Variants in ANTXR1 observed in about 807,000 individuals in gnomAD.
ANTXR1 encodes the protein ANTXR cell adhesion molecule 1.
ANTXR1 carries 19 observed loss-of-function variants against 78.1 expected under a neutral mutation model. That is an observed-to-expected ratio of 0.24 (90% CI 0.17 to 0.36). ANTXR1 has a LOEUF of 0.36. Ranked by LOEUF, ANTXR1 falls within the 10% of genes least tolerant of loss-of-function variation. The probability of loss-of-function intolerance (pLI) is 1.00; values close to 1 mark genes in which losing one functional copy is unlikely to be tolerated. For missense variants in ANTXR1, 518 were observed against 718.6 expected (o/e 0.72, Z 3.19); for synonymous variants, 273 against 260.5 (o/e 1.05, Z -0.46).
At chr2:69,088,528 G>A (rs1056199048) in intron 8 of ANTXR1, among the ~76,000 whole-genome samples, 4 of 152,148 alleles carry the variant, frequency 2.6e-5, no homozygotes, top group African/African-American at 4.8e-5. Flanking sequence ...CTGGAGACTT[G>A]TGCCTGAGGA....
chr2:69,106,484 G>A (rs1433759047), intron 10 of ANTXR1, among the ~76,000 whole-genome samples: 2 of 152,218 alleles, frequency 1.3e-5, no homozygotes, highest in Admixed American at 6.5e-5. Context: ...CGATGCTGAT[G>A]CAGATACAGG....
In ANTXR1 at chr2:69,191,640, CTTCTA is replaced by C. The variant is rs889817453; in HGVS notation, c.1354-1687_1354-1683del. On this transcript the variant is annotated intron_variant, in intron 16 of 17. Coordinates refer to ENST00000303714, the MANE Select transcript of ANTXR1 (RefSeq NM_032208.3). ...TCACCATGTGCAATTACTATTTTCT[CTTCTA>C]TTCTATTTCTTAAAAGTTCTGGTCC... Among the ~76,000 whole-genome samples, 9 of 151,928 alleles carry C rather than the reference CTTCTA, an allele frequency of 5.9e-5. No individual in the cohort carries two copies. The South Asian group carries it at 6.2e-4, about 11-fold the overall frequency.
At chr2:69,080,778 A>G (rs1177507185) in intron 8 of ANTXR1, among the ~76,000 whole-genome samples, 2 of 152,216 alleles carry the variant, frequency 1.3e-5, no homozygotes, top group Admixed American at 6.5e-5. Context: ...GAAGAGATGA[A>G]CTGAAGGACG....
intron 7 of ANTXR1, chr2:69,077,153 C>G (rs1670758112): frequency 1.8e-6 from 1 of 552,782 alleles, no homozygotes; most frequent in Non-Finnish European, 3.2e-6. Flanking sequence ...GGCGCTCTTA[C>G]CTCTGCTCCC....
intron 1 of ANTXR1, among the ~76,000 whole-genome samples, chr2:69,032,595 G>T (rs993012888): frequency 2.6e-5 from 4 of 152,290 alleles, no homozygotes; most frequent in Non-Finnish European, 5.9e-5. Flanking sequence ...CGAGTGTGAG[G>T]AATGGAGCCG....
chr2:69,222,236 A>G (rs1675337052), intron 17 of ANTXR1, among the ~76,000 whole-genome samples: 1 of 152,222 alleles, frequency 6.6e-6, no homozygotes, highest in Non-Finnish European at 1.5e-5. Context: ...GAGCTTTGGT[A>G]TGAAATTCAA....
intron 1 of ANTXR1, among the ~76,000 whole-genome samples, chr2:69,029,046 C>G (rs971604372): frequency 2.7e-5 from 4 of 148,634 alleles, no homozygotes; most frequent in Middle Eastern, 3.4e-3. Context: ...TTGAGACCCC[C>G]CCCCCTCCAT....
At chr2:69,131,961 A>G (rs912182627) in intron 12 of ANTXR1, among the ~76,000 whole-genome samples, 6 of 152,190 alleles carry the variant, frequency 3.9e-5, no homozygotes, top group African/African-American at 1.4e-4. Context: ...GTAGGAGCAG[A>G]CCCCTGCCTG....
intron 1 of ANTXR1, among the ~76,000 whole-genome samples, chr2:69,028,753 C>G (rs994907172): frequency 1.3e-5 from 2 of 152,020 alleles, no homozygotes; most frequent in African/African-American, 2.4e-5. Flanking sequence ...AAGGAACAAG[C>G]TGAAAATAAG....
intron 1 of ANTXR1, among the ~76,000 whole-genome samples, chr2:69,037,363 AGGTGGACAC>A (rs1391583778): frequency 6.6e-6 from 1 of 152,184 alleles, no homozygotes; most frequent in Non-Finnish European, 1.5e-5. Flanking sequence ...GCTGACAGAG[AGGTGGACAC>A]GGTGGCCCTG....
chr2:69,063,340 G>GA (rs896421419), intron 3 of ANTXR1, among the ~76,000 whole-genome samples: 39 of 148,880 alleles, frequency 2.6e-4, no homozygotes, highest in African/African-American at 8.9e-4. Flanking sequence ...TTTTTATTAG[G>GA]AAAAAAAAAT....
chr2:69,112,932 C>T (rs898922525), intron 10 of ANTXR1, among the ~76,000 whole-genome samples: 1 of 152,124 alleles, frequency 6.6e-6, no homozygotes, highest in Non-Finnish European at 1.5e-5. Context: ...GGGAAGTCGC[C>T]ACCAGAGGTA....
chr2:69,075,605 G>A lies in ANTXR1; in HGVS notation c.508G>A (p.Asp170Asn). The A allele has an allele frequency of 6.2e-7, 1 of 1,614,100 alleles. No homozygotes were observed. The change falls in exon 7 of 18, where the codon GAT becomes AAT. Residue 170 changes from aspartate (D) to asparagine (N), a missense_variant. Around this residue, in one of 5 missense-constraint regions of ANTXR1, gnomAD observed 264 missense variants for 391.8 expected, o/e 0.67. Coordinates refer to ENST00000303714, the MANE Select transcript of ANTXR1 (RefSeq NM_032208.3). Reference protein sequence around the residue: ...YSEREANRSRDLGAIVYCVGV... With the variant: ...YSEREANRSRNLGAIVYCVGV... The stretch of plus-strand genomic sequence containing the variant: ...CTTTTCCCAGGCTAATAGGTCTCGA[G>A]ATCTTGGTGCAATTGTTTACTGTGT...
At chr2:69,191,877 TG>T in intron 16 of ANTXR1, among the ~76,000 whole-genome samples, 1 of 152,368 alleles carries the variant, frequency 6.6e-6, no homozygotes, top group African/African-American at 2.4e-5. Context: ...CATCTGCCTT[TG>T]GGCAAGTTAC....
chr2:69,191,330 T>C (rs1209957648), intron 16 of ANTXR1, among the ~76,000 whole-genome samples: 1 of 152,204 alleles, frequency 6.6e-6, no homozygotes, highest in African/African-American at 2.4e-5. Context: ...TTTATATGTG[T>C]ATATAATCCA....
chr2:69,158,140 A>G (rs775996834), intron 13 of ANTXR1, among the ~76,000 whole-genome samples: 2 of 152,218 alleles, frequency 1.3e-5, no homozygotes, highest in Non-Finnish European at 2.9e-5. Flanking sequence ...GTAGGTCCCC[A>G]GAGCATAATA....
intron 3 of ANTXR1, among the ~76,000 whole-genome samples, chr2:69,066,096 G>C (rs1670390205): frequency 1.3e-5 from 2 of 152,202 alleles, no homozygotes; most frequent in African/African-American, 2.4e-5. Flanking sequence ...AGAAGACTAG[G>C]AAGTTGACAA....
At chr2:69,155,180 C>A (rs1053210574) in intron 13 of ANTXR1, among the ~76,000 whole-genome samples, 1 of 152,172 alleles carries the variant, frequency 6.6e-6, no homozygotes, top group Non-Finnish European at 1.5e-5. Flanking sequence ...TTGTTGCCAG[C>A]CTGCCAGATG....
At chr2:69,213,161 A>G (rs1029663168) in intron 17 of ANTXR1, among the ~76,000 whole-genome samples, 1 of 152,014 alleles carries the variant, frequency 6.6e-6, no homozygotes, top group African/African-American at 2.4e-5. Context: ...ATATAACCCT[A>G]AAGCAATCAC....
Sources: allele counts gnomAD v4.1 joint callset (sites outside exome capture counted in the v4.1 genomes callset), GRCh38; gene constraint gnomAD v4.1.1; regional missense constraint gnomAD v4.1.1; transcripts MANE v1.5; gene names NCBI Gene and HGNC (gene_info 2026-07-23, HGNC 2026-07-21).